The following SUGCT variants were observed in gnomAD, a reference collection of about 807,000 sequenced individuals.
The protein encoded by SUGCT is succinyl-CoA:glutarate-CoA transferase.
In SUGCT, 41 loss-of-function variants were observed where a neutral mutation model predicts 55.0. The observed-to-expected ratio is 0.74, with a 90% confidence interval of 0.58 to 0.97. SUGCT has a LOEUF of 0.97. Ranked by LOEUF, SUGCT falls within the 50% of genes least tolerant of loss-of-function variation. The pLI is 0.00. For synonymous variants in SUGCT, 187 were observed against 200.4 expected (o/e 0.93, Z 0.56); for missense variants, 568 against 547.8 (o/e 1.04, Z -0.37).
the SUGCT span, among the ~76,000 whole-genome samples, chr7:40,924,160 AT>A: frequency 6.6e-6 from 1 of 152,022 alleles, no homozygotes; most frequent in Non-Finnish European, 1.5e-5. Flanking sequence ...TGAGCAATAA[AT>A]TTCTATTGTT....
At chr7:40,899,391 G>C in the SUGCT span, among the ~76,000 whole-genome samples, 2 of 152,164 alleles carry the variant, frequency 1.3e-5, no homozygotes, top group African/African-American at 4.8e-5. Flanking sequence ...TTACGTGATG[G>C]AACGCAGGCT....
At chr7:40,185,523 T>C (rs1398409896) in intron 3 of SUGCT, among the ~76,000 whole-genome samples, 1 of 152,166 alleles carries the variant, frequency 6.6e-6, no homozygotes, top group Non-Finnish European at 1.5e-5. Flanking sequence ...CAGGGATTTA[T>C]TGTCTTCTTT....
intron 13 of SUGCT, among the ~76,000 whole-genome samples, chr7:40,829,977 A>G (rs1792567493): frequency 6.6e-6 from 1 of 152,206 alleles, no homozygotes; most frequent in South Asian, 2.1e-4. Flanking sequence ...CATTGCAGTA[A>G]CTAGCATCAT....
rs150527028 is a variant in SUGCT at position 40,246,301 on chromosome 7, G to C, written c.576+8575G>C. ...GTCTTGCTTTGTCATCCAGGATAGA[G>C]TGTAGTGGTGCAACCTTGGCTCACT... is the stretch of plus-strand genomic sequence containing the variant. On this transcript the variant is annotated intron_variant, in intron 7 of 13. Transcript: ENST00000335693. Among the ~76,000 whole-genome samples the C allele has an allele frequency of 2.6e-5, 4 of 151,456 alleles. No individual in the cohort carries two copies. The East Asian group carries it at 7.8e-4, about 29-fold the overall frequency.
chr7:40,329,149 T>C (rs1425922345), intron 9 of SUGCT, among the ~76,000 whole-genome samples: 1 of 152,196 alleles, frequency 6.6e-6, no homozygotes. Context: ...CACAGTACCC[T>C]GATAGATCTC....
rs1795495328 is a variant in SUGCT at position 40,317,307 on chromosome 7, G to A, written c.816+452G>A. Among the ~76,000 whole-genome samples the A allele has an allele frequency of 2.6e-5, 4 of 152,146 alleles. No homozygotes were observed. The South Asian group carries it at 8.3e-4, about 32-fold the overall frequency. ...GATGGTTCTTCATTTTTGGAACAAA[G>A]CAGATGGCTCAGGAGCTGCTGTTCT... is the stretch of plus-strand genomic sequence containing the variant. On this transcript the variant is annotated intron_variant, in intron 9 of 13. Transcript: ENST00000335693.
At chr7:40,279,966 A>G (rs1792844783) in intron 8 of SUGCT, among the ~76,000 whole-genome samples, 1 of 152,162 alleles carries the variant, frequency 6.6e-6, no homozygotes, top group African/African-American at 2.4e-5. Flanking sequence ...TAAAAAACAC[A>G]TTTTCCTACT....
At chr7:40,679,535 T>C (rs1340179769) in intron 12 of SUGCT, among the ~76,000 whole-genome samples, 1 of 152,182 alleles carries the variant, frequency 6.6e-6, no homozygotes, top group Admixed American at 6.5e-5. Flanking sequence ...GTCTCTTGAA[T>C]GAAGTCAAGA....
chr7:40,360,737 T>G (rs1423147786), intron 9 of SUGCT, among the ~76,000 whole-genome samples: 1 of 152,196 alleles, frequency 6.6e-6, no homozygotes, highest in African/African-American at 2.4e-5. Context: ...TGGAGAGGTT[T>G]CTAAGGGCTT....
At chr7:40,797,884 G>A (rs1790624406) in intron 13 of SUGCT, among the ~76,000 whole-genome samples, 1 of 152,142 alleles carries the variant, frequency 6.6e-6, no homozygotes, top group African/African-American at 2.4e-5. Flanking sequence ...TCTTTCCCAG[G>A]ACCCCATTCA....
intron 12 of SUGCT, among the ~76,000 whole-genome samples, chr7:40,698,054 A>G (rs975965535): frequency 6.6e-6 from 1 of 152,198 alleles, no homozygotes; most frequent in Non-Finnish European, 1.5e-5. Flanking sequence ...AATGAGCTGA[A>G]TCTTGAAGGA....
At chr7:41,031,154 G>A in the SUGCT span, among the ~76,000 whole-genome samples, 4 of 151,294 alleles carry the variant, frequency 2.6e-5, no homozygotes, top group African/African-American at 9.8e-5. Flanking sequence ...TAGAGATGGG[G>A]CCTCACTATG....
intron 7 of SUGCT, among the ~76,000 whole-genome samples, chr7:40,256,408 T>C (rs190076799): frequency 6.6e-6 from 1 of 152,348 alleles, no homozygotes; most frequent in African/African-American, 2.4e-5. Flanking sequence ...CCAGGTCAGC[T>C]ACAGCTGATT....
At chr7:40,319,742 C>T (rs547765832) in intron 9 of SUGCT, among the ~76,000 whole-genome samples, 1 of 152,308 alleles carries the variant, frequency 6.6e-6, no homozygotes, top group South Asian at 2.1e-4. Flanking sequence ...GTAAGTTAGA[C>T]AAACGTAGAC....
intron 13 of SUGCT, among the ~76,000 whole-genome samples, chr7:40,754,633 C>T (rs1214473815): frequency 6.6e-6 from 1 of 152,162 alleles, no homozygotes; most frequent in Non-Finnish European, 1.5e-5. Flanking sequence ...GCTCTGGGTG[C>T]ACATACCAGG....
At chr7:40,147,038 CTCTT>C (rs1381389646) in intron 1 of SUGCT, among the ~76,000 whole-genome samples, 2 of 108,906 alleles carry the variant, frequency 1.8e-5, no homozygotes, top group Non-Finnish European at 3.5e-5. Context: ...CTCTCTGCCT[CTCTT>C]TCTCTCTCTT....
chr7:40,398,498 C>T (rs867869837), intron 9 of SUGCT, among the ~76,000 whole-genome samples: 1 of 145,660 alleles, frequency 6.9e-6, no homozygotes, highest in Non-Finnish European at 1.5e-5. Flanking sequence ...GTAACCTGAT[C>T]GGTAACACTT....
chr7:41,011,471 G>A, the SUGCT span, among the ~76,000 whole-genome samples: 1 of 152,336 alleles, frequency 6.6e-6, no homozygotes, highest in South Asian at 2.1e-4. Context: ...ACTATTCAAA[G>A]TGTGGTACCC....
chr7:40,616,772 C>T (rs1201416953), intron 12 of SUGCT, among the ~76,000 whole-genome samples: 2 of 152,186 alleles, frequency 1.3e-5, no homozygotes, highest in African/African-American at 2.4e-5. Context: ...GGTTCAGTCC[C>T]CTTCCCACCT....
Sources: gnomAD v4.1 joint callset for allele counts (sites outside exome capture counted in the v4.1 genomes callset) on GRCh38, gnomAD v4.1.1 for gene constraint, MANE v1.5 for transcripts, NCBI Gene and HGNC (gene_info 2026-07-23, HGNC 2026-07-21) for gene names.